SYT17: variants seen among roughly 807,000 people sequenced by gnomAD.
SYT17 encodes synaptotagmin 17, also known as synaptotagmin-17.
In SYT17, 22 loss-of-function variants were observed where a neutral mutation model predicts 46.7. The ratio of observed to expected loss-of-function variants is 0.47; its 90% CI spans 0.34 to 0.67. The LOEUF is 0.67. Ranked by LOEUF, SYT17 falls within the 30% of genes least tolerant of loss-of-function variation. The pLI is 0.01. For missense variants in SYT17, 519 were observed against 612.8 expected (o/e 0.85, Z 1.62); for synonymous variants, 251 against 248.4 (o/e 1.01, Z -0.10).
At position 19,223,180 on chromosome 16, in the gene SYT17, C is replaced by G; in HGVS notation, c.1072+15C>G. The G allele has an allele frequency of 6.2e-7, 1 of 1,611,046 alleles. No homozygotes were observed. The highest frequency in any genetic ancestry group is 8.5e-7 in the Non-Finnish European group (1 of 1,177,718). ...CCAAGGTTCAGGTACCGTGTGATTC[C>G]CCTCTTCTCTCACTTTATTAATGGG... On this transcript the variant is annotated intron_variant, in intron 6 of 7. Transcript: ENST00000355377.
At chr16:19,187,280 G>A (rs770525604) in intron 5 of SYT17, among the ~76,000 whole-genome samples, 2 of 152,226 alleles carry the variant, frequency 1.3e-5, no homozygotes, top group Admixed American at 6.5e-5. Flanking sequence ...AGTCTCAAGC[G>A]ATCCTCTCAC....
chr16:19,223,124 G>A lies in SYT17; in HGVS notation c.1031G>A (p.Arg344Gln), dbSNP rs779389450. Residue 344 changes from arginine (R) to glutamine (Q), a missense_variant, in exon 6 of 8, where the codon CGA becomes CAA. Transcript: ENST00000355377. ...SAGRLNVDVI[R>Q]AKQLLQTDVS... is the part of the protein sequence containing the mutation. ...GGCAGACTGAATGTTGATGTCATTC[G>A]AGCCAAGCAACTTCTTCAGACAGAT... The A allele has an allele frequency of 1.2e-6, 2 of 1,613,900 alleles. No homozygotes were observed. The highest frequency in any genetic ancestry group is 4.5e-5 in the East Asian group (2 of 44,878).
Position 19,223,061 on chromosome 16 carries a change from G to C in SYT17, c.968G>C (p.Gly323Ala). ...IPSSQNEVEL[G>A]ELLLSLNYLP... ...TCTCTACAGAATGAAGTGGAGCTGG[G>C]GGAGCTGCTTCTGTCACTGAATTAT... The change falls in exon 6 of 8, where the codon GGG becomes GCG. Residue 323 changes from glycine to alanine, a missense_variant. Physicochemically the swap from Gly to Ala is moderately conservative, Grantham distance 60. Coordinates refer to ENST00000355377, the MANE Select transcript of SYT17 (RefSeq NM_016524.4). 6.2e-7 allele frequency: 1 copy of C among 1,613,986 alleles called. No individual in the cohort carries two copies. The highest frequency in any genetic ancestry group is 8.5e-7 in the Non-Finnish European group (1 of 1,179,938).
intron 5 of SYT17, among the ~76,000 whole-genome samples, chr16:19,199,028 A>T (rs755762546): frequency 6.6e-6 from 1 of 152,194 alleles, no homozygotes; most frequent in Non-Finnish European, 1.5e-5. Flanking sequence ...CAGAGAGAAC[A>T]TGAAGGGCTT....
chr16:19,258,577 G>T (rs1028032890), intron 7 of SYT17, among the ~76,000 whole-genome samples: 1 of 152,150 alleles, frequency 6.6e-6, no homozygotes, highest in Non-Finnish European at 1.5e-5. Context: ...GGGAGGCGGA[G>T]GTTGCAGTGA....
intron 7 of SYT17, among the ~76,000 whole-genome samples, chr16:19,239,083 G>A (rs534182349): frequency 6.6e-6 from 1 of 152,090 alleles, no homozygotes; most frequent in Admixed American, 6.6e-5. Context: ...TTTAAGACCA[G>A]TCTGGGCAAC....
chr16:19,248,429 T>C (rs1189310712), intron 7 of SYT17, among the ~76,000 whole-genome samples: 1 of 152,228 alleles, frequency 6.6e-6, no homozygotes, highest in Non-Finnish European at 1.5e-5. Context: ...ATGCAGATGT[T>C]CCTGGAAGCA....
At chr16:19,228,722 T>C (rs911013253) in intron 7 of SYT17, among the ~76,000 whole-genome samples, 1 of 152,230 alleles carries the variant, frequency 6.6e-6, no homozygotes, top group Non-Finnish European at 1.5e-5. Flanking sequence ...CTTAAGCCAG[T>C]ATGTATCTCA....
At chr16:19,231,523 C>CAAAAAAAAAAA (rs143448107) in intron 7 of SYT17, among the ~76,000 whole-genome samples, 8 of 45,858 alleles carry the variant, frequency 1.7e-4, no homozygotes, top group African/African-American at 2.1e-4. Flanking sequence ...AACTCCATCA[C>CAAAAAAAAAAA]AAAAAAAAAA....
chr16:19,265,381 T>C (rs1969289748), intron 7 of SYT17, among the ~76,000 whole-genome samples: 1 of 152,376 alleles, frequency 6.6e-6, no homozygotes, highest in South Asian at 2.1e-4. Context: ...TCCCTCTTGC[T>C]GAAGATGACA....
chr16:19,205,027 C>A (rs549683661), intron 5 of SYT17, among the ~76,000 whole-genome samples: 23 of 152,308 alleles, frequency 1.5e-4, no homozygotes, highest in African/African-American at 5.3e-4. Flanking sequence ...CAGGTCCAGG[C>A]CACCTTCACT....
rs577493979 is a variant in SYT17 at position 19,211,966 on chromosome 16, C to T, written c.952-11079C>T. ...TTAAAGAATAGAAAGAAGGCAGAGG[C>T]GGTTGGTGAGTGAAGTCTCAGAGGT... On this transcript the variant is annotated intron_variant, in intron 5 of 7. Coordinates refer to ENST00000355377, the MANE Select transcript of SYT17 (RefSeq NM_016524.4). Among the ~76,000 whole-genome samples the T allele has an allele frequency of 1.6e-4, 25 of 152,186 alleles. 1 individual carries two copies. In the South Asian group the frequency reaches 4.2e-3, roughly 25 times the overall value.
chr16:19,241,224 G>A (rs891010470), intron 7 of SYT17, among the ~76,000 whole-genome samples: 1 of 152,172 alleles, frequency 6.6e-6, no homozygotes, highest in South Asian at 2.1e-4. Flanking sequence ...TGGGATTACA[G>A]GCGTGAGCCA....
At chr16:19,179,042 A>T (rs893969128) in intron 3 of SYT17, among the ~76,000 whole-genome samples, 1 of 151,160 alleles carries the variant, frequency 6.6e-6, no homozygotes, top group Non-Finnish European at 1.5e-5. Context: ...TAAAAAAAAA[A>T]ACAATGAATT....
intron 5 of SYT17, among the ~76,000 whole-genome samples, chr16:19,214,794 C>CTT (rs1012960968): frequency 2.8e-5 from 4 of 141,850 alleles, no homozygotes; most frequent in Non-Finnish European, 3.1e-5. Flanking sequence ...TAATAATTCT[C>CTT]TTTTTTTTTT....
chr16:19,177,086 A>C (rs1478343379), intron 3 of SYT17, among the ~76,000 whole-genome samples: 2 of 152,170 alleles, frequency 1.3e-5, no homozygotes, highest in Admixed American at 6.5e-5. Flanking sequence ...CTAGGTTCTC[A>C]TGTTGAGCTG....
intron 7 of SYT17, among the ~76,000 whole-genome samples, chr16:19,243,565 C>T (rs1314625056): frequency 6.6e-6 from 1 of 152,074 alleles, no homozygotes; most frequent in Non-Finnish European, 1.5e-5. Flanking sequence ...AATCCCAGCA[C>T]TTTGGGAGGC....
Position 19,183,935 on chromosome 16 carries a change from G to C in SYT17, c.739G>C (p.Val247Leu), listed in dbSNP as rs1964668836. ...CCAGAAGAACTCAAAGCAGACCGGG[G>C]TCAAACGCAAGACCCAGAAGCCCGT... ...PDQKNSKQTG[V>L]KRKTQKPVFE... The change falls in exon 5 of 8, where the codon GTC becomes CTC. Residue 247 changes from valine to leucine, a missense_variant. Val to Leu is a conservative substitution (Grantham distance 32, BLOSUM62 1). Coordinates refer to ENST00000355377, the MANE Select transcript of SYT17 (RefSeq NM_016524.4). This position sits in a 1 kb window ranked among gnomAD's most constrained non-coding sequence, Gnocchi z 5.6. 1 of 1,614,214 alleles carries C rather than the reference G, an allele frequency of 6.2e-7. No individual in the cohort carries two copies. Among genetic ancestry groups the C allele is most frequent in the Non-Finnish European group, 8.5e-7 (1 of 1,180,052 alleles).
chr16:19,173,501 C>T lies in SYT17; in HGVS notation c.105C>T (p.Tyr35=), dbSNP rs769552733. 13 of 1,612,504 alleles carry T rather than the reference C, an allele frequency of 8.1e-6. No individual in the cohort carries two copies. The highest frequency in any genetic ancestry group is 2.2e-5 in the South Asian group (2 of 91,004). Residue 35 remains tyrosine (Y), a synonymous_variant, in exon 3 of 8, where the codon TAC becomes TAT. Transcript: ENST00000355377. The stretch of plus-strand genomic sequence containing the variant: ...GCCGGCACTGCTGTCAGAAGTGCTA[C>T]GAGTCCAGCTGTTGCCAGTCAAGTG... ...WTCRHCCQKC[Y]ESSCCQSSED... is the part of the protein sequence containing the mutation.
Sources: gnomAD v4.1 joint callset for allele counts (sites outside exome capture counted in the v4.1 genomes callset) on GRCh38, gnomAD v4.1.1 for gene constraint, Gnocchi (gnomAD v3.1) non-coding constraint, MANE v1.5 for transcripts, NCBI Gene and HGNC (gene_info 2026-07-23, HGNC 2026-07-21) for gene names.